The following PTPRN2 variants were observed in gnomAD, a reference collection of about 807,000 sequenced individuals.
PTPRN2 encodes receptor-type tyrosine-protein phosphatase N2.
PTPRN2 carries 74 observed loss-of-function variants against 118.8 expected under a neutral mutation model. The ratio of observed to expected loss-of-function variants is 0.62; its 90% CI spans 0.52 to 0.76. PTPRN2 has a LOEUF of 0.76. PTPRN2 is among the 30% of genes least tolerant of loss of function. The pLI, the probability that PTPRN2 is intolerant of heterozygous loss-of-function variation, is 0.00. For missense variants in PTPRN2, 1,481 were observed against 1,394.4 expected (o/e 1.06, Z -0.99); for synonymous variants, 641 against 608.0 (o/e 1.05, Z -0.80).
intron 11 of PTPRN2, among the ~76,000 whole-genome samples, chr7:158,062,665 A>C (rs979902711): frequency 4.6e-5 from 7 of 152,092 alleles, no homozygotes; most frequent in African/African-American, 1.4e-4. Flanking sequence ...CCACACTCGG[A>C]GCTGCCAGCC....
rs1449060976 is a variant in PTPRN2, at chr7:158,385,160, G to A, written c.164-68228C>T. Among the ~76,000 whole-genome samples the A allele has an allele frequency of 2.6e-5, 4 of 152,096 alleles. No individual in the cohort carries two copies. In the South Asian group the frequency reaches 8.3e-4, roughly 32 times the overall value. ...CCATTTGTCCTCTTCTGATAACATC[G>A]ACAAGAACCTAAATGTCTTCTTTGT... is the stretch of plus-strand genomic sequence containing the variant. On this transcript the variant is annotated intron_variant, in intron 2 of 22. Coordinates refer to ENST00000389418, the MANE Select transcript of PTPRN2 (RefSeq NM_002847.5).
intron 2 of PTPRN2, among the ~76,000 whole-genome samples, chr7:158,396,075 C>G (rs972490736): frequency 6.6e-6 from 1 of 152,148 alleles, no homozygotes; most frequent in Non-Finnish European, 1.5e-5. Flanking sequence ...CCTGGCCTCC[C>G]CAACCAGAGA....
chr7:157,828,523 C>G (rs1238577369), intron 12 of PTPRN2, among the ~76,000 whole-genome samples: 1 of 152,054 alleles, frequency 6.6e-6, no homozygotes, highest in African/African-American at 2.4e-5. Flanking sequence ...GTGGCAGCAG[C>G]TCACAGCAAG....
intron 7 of PTPRN2, among the ~76,000 whole-genome samples, chr7:158,137,515 G>C (rs1362984212): frequency 6.6e-6 from 1 of 152,172 alleles, no homozygotes; most frequent in Admixed American, 6.5e-5. Context: ...CCTGGAGACA[G>C]CACGCACACC....
chr7:157,956,666 C>T (rs1801203487), intron 11 of PTPRN2, among the ~76,000 whole-genome samples: 1 of 152,202 alleles, frequency 6.6e-6, no homozygotes, highest in Admixed American at 6.5e-5. Flanking sequence ...GACAGGGCTG[C>T]CCTCCTCCCT....
chr7:157,650,638 C>T (rs1007032375), intron 14 of PTPRN2, among the ~76,000 whole-genome samples: 2 of 152,164 alleles, frequency 1.3e-5, no homozygotes, highest in Non-Finnish European at 2.9e-5. Flanking sequence ...CATCTGTGCC[C>T]GTCAACCACG....
At chr7:158,239,171 T>TC (rs1358377037) in intron 3 of PTPRN2, among the ~76,000 whole-genome samples, 22 of 152,238 alleles carry the variant, frequency 1.4e-4, no homozygotes, top group African/African-American at 4.8e-4. Context: ...GGGTCGATGT[T>TC]CCTCTGCGCC....
At chr7:158,186,522 G>C (rs769632404) in intron 5 of PTPRN2, among the ~76,000 whole-genome samples, 1 of 152,126 alleles carries the variant, frequency 6.6e-6, no homozygotes, top group Non-Finnish European at 1.5e-5. Context: ...ACCCCCTCTG[G>C]CATGAGTACG....
chr7:158,202,770 T>C (rs1025997959), intron 4 of PTPRN2, among the ~76,000 whole-genome samples: 9 of 152,194 alleles, frequency 5.9e-5, no homozygotes, highest in African/African-American at 2.2e-4. Flanking sequence ...TTTGTAACCA[T>C]AGCTAGTGCC....
intron 18 of PTPRN2, 103 bp from the exon 19 acceptor site, chr7:157,576,882 G>A (rs1483196908): frequency 3.3e-6 from 4 of 1,210,978 alleles, no homozygotes; most frequent in Non-Finnish European, 4.5e-6. Context: ...CAGAGAAGGG[G>A]GCGCTGCGAA....
chr7:158,474,944 T>G (rs1820134092), intron 2 of PTPRN2, among the ~76,000 whole-genome samples: 1 of 152,214 alleles, frequency 6.6e-6, no homozygotes, highest in South Asian at 2.1e-4. Flanking sequence ...AGGGCAATGA[T>G]GCAAACTGGC....
chr7:158,057,839 A>G (rs1291807077), intron 11 of PTPRN2, among the ~76,000 whole-genome samples: 1 of 152,226 alleles, frequency 6.6e-6, no homozygotes, highest in African/African-American at 2.4e-5. Context: ...ACCTGGAAAG[A>G]CACACAGCAA....
At chr7:157,543,867 C>T (rs903929460) in intron 22 of PTPRN2, among the ~76,000 whole-genome samples, 4 of 152,218 alleles carry the variant, frequency 2.6e-5, no homozygotes, top group African/African-American at 9.6e-5. Flanking sequence ...CTCCAAGCCA[C>T]ACCGTGAGAG....
chr7:157,845,671 G>A lies in PTPRN2; in HGVS notation c.1788+53002C>T, dbSNP rs965004311. On this transcript the variant is annotated intron_variant, in intron 12 of 22. Transcript: ENST00000389418. The surrounding 1 kb of genome is among the most constrained non-coding windows in gnomAD (Gnocchi z 4.5). ...ACTGTGCGGCACAGAACCTCCCCGC[G>A]GGGCAGGTGGGTGCACAGGAAAGAA... Among the ~76,000 whole-genome samples, 2 of 152,192 alleles carry A rather than the reference G, an allele frequency of 1.3e-5. No individual in the cohort carries two copies. Among genetic ancestry groups the A allele is most frequent in the East Asian group, 1.9e-4 (1 of 5,194 alleles).
chr7:157,582,488 AAG>A (rs199536235), intron 17 of PTPRN2, among the ~76,000 whole-genome samples: 2,854 of 152,248 alleles, frequency 0.019, 58 homozygotes, highest in Middle Eastern at 0.034. Flanking sequence ...TGCCACCGAA[AAG>A]AGGGGGATGG....
intron 2 of PTPRN2, among the ~76,000 whole-genome samples, chr7:158,373,815 C>T (rs201620022): frequency 1.3e-5 from 2 of 152,308 alleles, no homozygotes; most frequent in Admixed American, 1.3e-4. Context: ...AAGGGAGACG[C>T]TCTCATCCGG....
Position 157,666,134 on chromosome 7 carries a change from T to TA in PTPRN2, c.2002-9584dup, listed in dbSNP as rs57919844. On this transcript the variant is annotated intron_variant, in intron 13 of 22. Transcript: ENST00000389418. Reference sequence around the variant, plus strand: ...TGTACCCTAGAACTTAAAGTATAATTAAAAAAAAAAAAAGAAAAAAAATTC... The same window carrying TA: ...TGTACCCTAGAACTTAAAGTATAATTAAAAAAAAAAAAAAGAAAAAAAATTC... 1.1e-3 allele frequency among the ~76,000 whole-genome samples: 152 copies of TA among 143,656 alleles called. 1 individual carries two copies. The Middle Eastern group carries it at 0.011, about 10-fold the overall frequency. The allele number at this position is 143,656 out of a possible 152,430, so 94.2% of individuals were successfully genotyped here. A position where few individuals can be genotyped will look rare whatever the true frequency, so the allele number is the denominator to read the frequency against.
intron 11 of PTPRN2, among the ~76,000 whole-genome samples, chr7:158,008,135 A>G (rs1229137930): frequency 1.6e-5 from 1 of 61,692 alleles, no homozygotes; most frequent in Non-Finnish European, 3.7e-5. Flanking sequence ...GTGTACATGT[A>G]CACATGTGTG....
Position 157,764,191 on chromosome 7 carries a change from C to T in PTPRN2, c.1789-81254G>A, listed in dbSNP as rs1054004596. On this transcript the variant is annotated intron_variant, in intron 12 of 22. Coordinates refer to ENST00000389418, the MANE Select transcript of PTPRN2 (RefSeq NM_002847.5). The surrounding 1 kb of genome is among the most constrained non-coding windows in gnomAD (Gnocchi z 4.5). ...GTTAGTGGGTCCTCAAAAAACTAACCACAGAATCAGCCCAGGACCCAGCAG... is the reference window on the plus strand; with the variant it reads ...GTTAGTGGGTCCTCAAAAAACTAACTACAGAATCAGCCCAGGACCCAGCAG... Among the ~76,000 whole-genome samples the T allele has an allele frequency of 2.0e-5, 3 of 152,142 alleles. No homozygotes were observed. The highest frequency in any genetic ancestry group is 2.9e-5 in the Non-Finnish European group (2 of 68,026).
Sources: allele counts gnomAD v4.1 joint callset (sites outside exome capture counted in the v4.1 genomes callset), GRCh38; gene constraint gnomAD v4.1.1; non-coding constraint Gnocchi (gnomAD v3.1); transcripts MANE v1.5; gene names NCBI Gene and HGNC (gene_info 2026-07-23, HGNC 2026-07-21).